CTNNA2: variants seen among roughly 807,000 people sequenced by gnomAD.
CTNNA2 encodes the protein catenin alpha 2.
A neutral mutation model predicts 101.0 loss-of-function variants in CTNNA2; 42 were observed. That is an observed-to-expected ratio of 0.42 (90% CI 0.32 to 0.54). The LOEUF (loss-of-function observed/expected upper bound fraction) is 0.54. Ranked by LOEUF, CTNNA2 falls within the 20% of genes least tolerant of loss-of-function variation. The pLI is 0.14. For synonymous variants in CTNNA2, 450 were observed against 456.4 expected (o/e 0.99, Z 0.18); for missense variants, 871 against 1,223.1 (o/e 0.71, Z 4.29).
At chr2:80,136,511 C>T (rs1702705772) in intron 7 of CTNNA2, among the ~76,000 whole-genome samples, 1 of 152,160 alleles carries the variant, frequency 6.6e-6, no homozygotes, top group African/African-American at 2.4e-5. Flanking sequence ...TATGCAGTTT[C>T]CTCCCAGTGA....
At chr2:79,644,103 T>C (rs1017407722) in intron 1 of CTNNA2, among the ~76,000 whole-genome samples, 4 of 152,136 alleles carry the variant, frequency 2.6e-5, no homozygotes, top group African/African-American at 9.7e-5. Flanking sequence ...AGTGGCATAA[T>C]CTCGGCTCAC....
intron 7 of CTNNA2, among the ~76,000 whole-genome samples, chr2:80,328,841 T>C (rs115459371): frequency 0.029 from 4,343 of 152,314 alleles, 172 homozygotes; most frequent in African/African-American, 0.085. Flanking sequence ...ATTTTTCATA[T>C]GGAAAACTAA....
chr2:80,172,895 G>A (rs1356443455), intron 7 of CTNNA2, among the ~76,000 whole-genome samples: 1 of 152,110 alleles, frequency 6.6e-6, no homozygotes, highest in Non-Finnish European at 1.5e-5. Context: ...TTGGATTAAG[G>A]GCCCAGTCTA....
intron 7 of CTNNA2, among the ~76,000 whole-genome samples, chr2:80,020,860 C>T (rs6752587): frequency 0.054 from 8,173 of 152,068 alleles, 628 homozygotes; most frequent in African/African-American, 0.17. Context: ...AGTCTATGAA[C>T]TTTGTTTTGA....
intron 7 of CTNNA2, among the ~76,000 whole-genome samples, chr2:80,079,613 C>A (rs546843520): frequency 1.3e-5 from 2 of 151,946 alleles, no homozygotes; most frequent in Admixed American, 6.6e-5. Context: ...GGAAATGGAG[C>A]CCATCCTGGC....
At chr2:79,576,861 A>G (rs1359021079) in intron 1 of CTNNA2, among the ~76,000 whole-genome samples, 3 of 152,174 alleles carry the variant, frequency 2.0e-5, no homozygotes, top group Admixed American at 1.3e-4. Context: ...TGACTTTACT[A>G]TGGATCATTT....
intron 9 of CTNNA2, among the ~76,000 whole-genome samples, chr2:80,532,608 G>A (rs552792664): frequency 2.0e-5 from 3 of 152,200 alleles, no homozygotes; most frequent in African/African-American, 4.8e-5. Context: ...AAACTTTATC[G>A]TAGGTATGCA....
intron 4 of CTNNA2, among the ~76,000 whole-genome samples, chr2:79,449,176 G>A (rs749898301): frequency 1.5e-4 from 23 of 152,028 alleles, no homozygotes; most frequent in Admixed American, 5.2e-4. Flanking sequence ...GAAATTGGGA[G>A]TATAAGGCAG....
chr2:80,364,149 T>G (rs1674679437), intron 7 of CTNNA2, among the ~76,000 whole-genome samples: 1 of 152,158 alleles, frequency 6.6e-6, no homozygotes, highest in African/African-American at 2.4e-5. Context: ...TCGGAGACCC[T>G]TATCTGATTT....
intron 7 of CTNNA2, among the ~76,000 whole-genome samples, chr2:79,923,967 A>T (rs1465048404): frequency 6.6e-6 from 1 of 152,178 alleles, no homozygotes; most frequent in African/African-American, 2.4e-5. Flanking sequence ...TTGTGGGTAT[A>T]TATTCAAAGT....
chr2:80,643,898 G>C lies in CTNNA2; in HGVS notation c.2575-3687G>C, dbSNP rs745956529. On this transcript the variant is annotated intron_variant, in intron 18 of 18. Coordinates refer to ENST00000402739, the MANE Select transcript of CTNNA2 (RefSeq NM_001282597.3). ...GAGGCTATAGTCAGCAAGGATTTGG[G>C]CTATGAGGATGAGACTAAGAATCAC... is the stretch of plus-strand genomic sequence containing the variant. 3.3e-5 allele frequency among the ~76,000 whole-genome samples: 5 copies of C among 152,174 alleles called. No homozygotes were observed. In the South Asian group the frequency reaches 1.0e-3, roughly 32 times the overall value.
chr2:79,609,189 T>C (rs932731651), intron 1 of CTNNA2, among the ~76,000 whole-genome samples: 2 of 151,894 alleles, frequency 1.3e-5, no homozygotes, highest in Non-Finnish European at 2.9e-5. Context: ...AAAGCAAAGA[T>C]CTAAGTAAAC....
chr2:79,451,289 G>T (rs150243936), intron 4 of CTNNA2, among the ~76,000 whole-genome samples: 1 of 152,058 alleles, frequency 6.6e-6, no homozygotes, highest in African/African-American at 2.4e-5. Context: ...AAATCTTACA[G>T]ATCTGCAGAT....
intron 9 of CTNNA2, among the ~76,000 whole-genome samples, chr2:80,464,217 G>C (rs1247907416): frequency 6.6e-6 from 1 of 152,154 alleles, no homozygotes; most frequent in Non-Finnish European, 1.5e-5. Context: ...GCATGAACCA[G>C]AAGAAAGAAC....
chr2:79,732,078 T>C (rs1303048783), intron 2 of CTNNA2, among the ~76,000 whole-genome samples: 1 of 152,108 alleles, frequency 6.6e-6, no homozygotes, highest in Non-Finnish European at 1.5e-5. Context: ...ACTAGTGTCA[T>C]AATTTACTAA....
At chr2:79,498,691 C>G (rs573648136) in intron 4 of CTNNA2, among the ~76,000 whole-genome samples, 1 of 152,106 alleles carries the variant, frequency 6.6e-6, no homozygotes, top group Admixed American at 6.5e-5. Context: ...CTAACTACTT[C>G]ATCGGTTGGG....
intron 16 of CTNNA2, among the ~76,000 whole-genome samples, chr2:80,606,662 A>T (rs1045337029): frequency 6.6e-6 from 1 of 151,932 alleles, no homozygotes; most frequent in Non-Finnish European, 1.5e-5. Context: ...TTAAATGTGT[A>T]TTTTAACTGC....
intron 7 of CTNNA2, among the ~76,000 whole-genome samples, chr2:80,301,381 T>C (rs1475870937): frequency 6.6e-6 from 1 of 152,172 alleles, no homozygotes; most frequent in Non-Finnish European, 1.5e-5. Context: ...CAAATGCTAC[T>C]AAGTCTGGTG....
intron 9 of CTNNA2, among the ~76,000 whole-genome samples, chr2:80,511,206 T>A (rs1688677473): frequency 6.6e-6 from 1 of 152,200 alleles, no homozygotes; most frequent in Non-Finnish European, 1.5e-5. Context: ...TCTACTTGGG[T>A]CAACCTAAGG....
Sources: allele counts gnomAD v4.1 joint callset (sites outside exome capture counted in the v4.1 genomes callset), GRCh38; gene constraint gnomAD v4.1.1; transcripts MANE v1.5; gene names NCBI Gene and HGNC (gene_info 2026-07-23, HGNC 2026-07-21).